AATF: variants seen among roughly 807,000 people sequenced by gnomAD.
The protein encoded by AATF is apoptosis antagonizing transcription factor, also known as protein AATF.
Under a neutral mutation model 63.7 loss-of-function variants are expected in AATF, and 48 were observed. The ratio of observed to expected loss-of-function variants is 0.75; its 90% CI spans 0.60 to 0.96. The LOEUF (loss-of-function observed/expected upper bound fraction) is 0.96, where lower values mean the gene tolerates loss of function less well. AATF is among the 40% of genes least tolerant of loss of function. The pLI is 0.00. For synonymous variants in AATF, 258 were observed against 247.7 expected (o/e 1.04, Z -0.39); for missense variants, 639 against 685.7 (o/e 0.93, Z 0.76).
At position 36,949,037 on chromosome 17, in the gene AATF, A is replaced by T; in HGVS notation, c.-89A>T. ...GGAGTCGGGGAATCGGATCAAGGCG[A>T]GAGGATCCGGCAGGGAAGGAGCTTC... On this transcript the variant is annotated 5_prime_UTR_variant, in exon 1 of 12. Coordinates refer to ENST00000619387, the MANE Select transcript of AATF (RefSeq NM_012138.4). 1 of 1,198,976 alleles carries T rather than the reference A, an allele frequency of 8.3e-7. No individual in the cohort carries two copies. Among genetic ancestry groups the T allele is most frequent in the Non-Finnish European group, 1.2e-6 (1 of 846,700 alleles). 74.3% of individuals were successfully genotyped at this position (1,198,976 alleles called of 1,614,324 possible).
chr17:36,952,952 A>G lies in AATF; in HGVS notation c.350A>G (p.Tyr117Cys), dbSNP rs1269028231. Reference protein sequence around the residue: ...EDSEGLGLEEYDEDDLGAAEE... With the variant: ...EDSEGLGLEECDEDDLGAAEE... ...TCAGAGGGACTGGGTCTGGAGGAAT[A>G]TGATGAGGACGACCTGGGTGCTGCT... The change falls in exon 3 of 12, where the codon TAT (tyrosine) becomes TGT (cysteine). Residue 117 changes from tyrosine to cysteine, a missense_variant. Transcript: ENST00000619387. 6.8e-6 allele frequency: 11 copies of G among 1,614,036 alleles called. No individual in the cohort carries two copies. The highest frequency in any genetic ancestry group is 1.3e-5 in the African/African-American group (1 of 74,920).
rs2070877965 is a variant in AATF, at chr17:36,953,911, A to G, written c.832+4A>G. The G allele has an allele frequency of 1.9e-6, 3 of 1,613,406 alleles. No homozygotes were observed. Among genetic ancestry groups the G allele is most frequent in the Admixed American group, 3.3e-5 (2 of 59,852 alleles). On this transcript the variant is annotated splice_donor_region_variant and intron_variant, in intron 4 of 11. Coordinates refer to ENST00000619387, the MANE Select transcript of AATF (RefSeq NM_012138.4). ...TTTTCCAGTGCCCTGAAAAATAGTA[A>G]GAATACTTATGTCCTGTTGGAATAC...
chr17:37,052,940 G>A (rs1004239021), intron 11 of AATF, among the ~76,000 whole-genome samples: 3 of 152,212 alleles, frequency 2.0e-5, no homozygotes, highest in African/African-American at 7.2e-5. Context: ...GTTGGCAGTT[G>A]GTTGACCGTT....
intron 8 of AATF, among the ~76,000 whole-genome samples, chr17:36,996,102 G>A (rs1256267996): frequency 6.6e-6 from 1 of 151,998 alleles, no homozygotes; most frequent in South Asian, 2.1e-4. Context: ...AGATATTTAC[G>A]GTTATTTTAG....
At chr17:36,975,428 A>C (rs2071072583) in intron 4 of AATF, among the ~76,000 whole-genome samples, 1 of 152,172 alleles carries the variant, frequency 6.6e-6, no homozygotes, top group African/African-American at 2.4e-5. Context: ...CTGTATGCGT[A>C]CTTCATATTC....
intron 8 of AATF, among the ~76,000 whole-genome samples, chr17:37,012,097 G>A (rs1389341904): frequency 6.6e-6 from 1 of 151,686 alleles, no homozygotes; most frequent in Admixed American, 6.6e-5. Context: ...CTGTTGCTCA[G>A]GCTGGAGTGC....
At chr17:36,952,735 T>C (rs1249116118) in intron 2 of AATF, 151 bp from the exon 3 acceptor site, 5 of 1,402,674 alleles carry the variant, frequency 3.6e-6, no homozygotes, top group Admixed American at 5.7e-5. Context: ...ATTTTGGAGA[T>C]TGTAGATGTG....
chr17:37,004,516 G>T lies in AATF; in HGVS notation c.1398+13659G>T, dbSNP rs73286009. On this transcript the variant is annotated intron_variant, in intron 8 of 11. Transcript: ENST00000619387. ...CCGTAGAGAGGTAAAAATGGATGTT[G>T]CAGGAAAAAGGTAGGAATTGCTGGT... 1.4e-3 allele frequency among the ~76,000 whole-genome samples: 220 copies of T among 152,216 alleles called. 1 individual carries two copies. Among genetic ancestry groups the T allele is most frequent in the African/African-American group, 5.2e-3 (214 of 41,540 alleles).
intron 4 of AATF, among the ~76,000 whole-genome samples, chr17:36,971,967 A>G (rs1342279150): frequency 6.6e-6 from 1 of 152,098 alleles, no homozygotes; most frequent in African/African-American, 2.4e-5. Context: ...CCTCTCCACT[A>G]ATCTTGTTTC....
At chr17:36,997,455 G>A (rs752873626) in intron 8 of AATF, among the ~76,000 whole-genome samples, 1 of 152,068 alleles carries the variant, frequency 6.6e-6, no homozygotes, top group South Asian at 2.1e-4. Flanking sequence ...TATACAAATG[G>A]CCAACAAACA....
rs554063512 is a variant in AATF at position 37,009,644 on chromosome 17, C to T, written c.1399-9361C>T. Among the ~76,000 whole-genome samples the T allele has an allele frequency of 1.5e-3, 223 of 146,978 alleles. 1 individual carries two copies. Among genetic ancestry groups the T allele is most frequent in the African/African-American group, 5.2e-3 (209 of 39,834 alleles). On this transcript the variant is annotated intron_variant, in intron 8 of 11. Transcript: ENST00000619387. Reference sequence around the variant, plus strand: ...CATCCTGGCTAACAAGGTGAAACCCCGTCTCTACTAAAAATACAAAAAATT... The same window carrying T: ...CATCCTGGCTAACAAGGTGAAACCCTGTCTCTACTAAAAATACAAAAAATT...
At chr17:37,035,322 G>A (rs968795427) in intron 11 of AATF, among the ~76,000 whole-genome samples, 6 of 150,612 alleles carry the variant, frequency 4.0e-5, no homozygotes, top group Non-Finnish European at 8.9e-5. Context: ...GGGTTCAAGC[G>A]ATTCTCCTGC....
chr17:37,022,978 A>T (rs757360620), intron 10 of AATF, among the ~76,000 whole-genome samples: 6 of 152,170 alleles, frequency 3.9e-5, no homozygotes, highest in Non-Finnish European at 7.3e-5. Context: ...ATAGTACTTC[A>T]TAGGTGACTA....
intron 4 of AATF, among the ~76,000 whole-genome samples, chr17:36,957,943 CCT>C (rs1192025993): frequency 6.6e-6 from 1 of 152,168 alleles, no homozygotes; most frequent in African/African-American, 2.4e-5. Context: ...ATATCTCCTT[CCT>C]CTCCACACAC....
chr17:37,002,519 A>AAG (rs2071307920), intron 8 of AATF, among the ~76,000 whole-genome samples: 1 of 151,494 alleles, frequency 6.6e-6, no homozygotes, highest in Non-Finnish European at 1.5e-5. Flanking sequence ...TACAAAAAAA[A>AAG]AAAAAAATTA....
At chr17:36,976,368 C>T (rs1007802463) in intron 4 of AATF, among the ~76,000 whole-genome samples, 2 of 152,036 alleles carry the variant, frequency 1.3e-5, no homozygotes, top group Non-Finnish European at 2.9e-5. Flanking sequence ...AGTGCTTAGG[C>T]GAGTGTGTGG....
chr17:36,972,590 C>A (rs1028062805), intron 4 of AATF, among the ~76,000 whole-genome samples: 1 of 151,794 alleles, frequency 6.6e-6, no homozygotes, highest in Non-Finnish European at 1.5e-5. Flanking sequence ...TTTGTTACAC[C>A]TATATACATG....
chr17:37,002,595 C>G (rs2071308930), intron 8 of AATF, among the ~76,000 whole-genome samples: 1 of 151,474 alleles, frequency 6.6e-6, no homozygotes, highest in African/African-American at 2.4e-5. Flanking sequence ...TGACGTGAAC[C>G]CAGGAGGCGG....
rs146099245 is a variant in AATF, at chr17:37,024,788, G to A, written c.1547+3774G>A. 7.8e-4 allele frequency among the ~76,000 whole-genome samples: 118 copies of A among 152,032 alleles called. 2 individuals are homozygous for A. The highest frequency in any genetic ancestry group is 2.7e-3 in the African/African-American group (110 of 41,470). On this transcript the variant is annotated intron_variant, in intron 10 of 11. Transcript: ENST00000619387. ...AGCCTGGCCAACATGGTGAAACCCC[G>A]TCTCTACTAAAAATACAAAAATTAG...
Sources: gnomAD v4.1 joint callset for allele counts (sites outside exome capture counted in the v4.1 genomes callset) on GRCh38, gnomAD v4.1.1 for gene constraint, MANE v1.5 for transcripts, NCBI Gene and HGNC (gene_info 2026-07-23, HGNC 2026-07-21) for gene names.